FER1L6: variants seen among roughly 807,000 people sequenced by gnomAD.
FER1L6 encodes the protein fer-1 like family member 6, also known as fer-1-like protein 6.
FER1L6 carries 177 observed loss-of-function variants against 219.2 expected under a neutral mutation model. That is an observed-to-expected ratio of 0.81 (90% CI 0.71 to 0.91). FER1L6 has a LOEUF of 0.91. FER1L6 is among the 40% of genes least tolerant of loss of function. FER1L6 has a pLI of 0.00. For synonymous variants in FER1L6, 768 were observed against 824.3 expected (o/e 0.93, Z 1.17); for missense variants, 2,153 against 2,259.9 (o/e 0.95, Z 0.96).
chr8:123,878,928 C>G (rs1329636201), intron 1 of FER1L6, among the ~76,000 whole-genome samples: 1 of 152,178 alleles, frequency 6.6e-6, no homozygotes, highest in East Asian at 1.9e-4. Flanking sequence ...GTGCTAGGCT[C>G]TTTGCCTGAG....
At position 124,091,271 on chromosome 8, in the gene FER1L6, G is replaced by A. The variant is rs182381928; in HGVS notation, c.4392-152G>A. On this transcript the variant is annotated intron_variant, in intron 33 of 40. Transcript: ENST00000522917. The stretch of plus-strand genomic sequence containing the variant: ...AGCTACTCAGAAGTCTTGCCTTTCA[G>A]GCAAGCTGTGTTTGGCCAGAAAAGA... The A allele has an allele frequency of 1.1e-3, 597 of 537,650 alleles. 3 individuals are homozygous for A. The highest frequency in any genetic ancestry group is 5.2e-3 in the South Asian group (93 of 17,894). The allele number at this position is 537,650 out of a possible 1,614,324, so 33.3% of individuals were successfully genotyped here.
At chr8:124,044,253 C>G (rs963110455) in intron 20 of FER1L6, among the ~76,000 whole-genome samples, 48 of 152,190 alleles carry the variant, frequency 3.2e-4, no homozygotes, top group African/African-American at 1.1e-3. Flanking sequence ...TGCATTGCAG[C>G]TTTTTAACTT....
intron 13 of FER1L6, among the ~76,000 whole-genome samples, chr8:124,008,099 C>T (rs779162016): frequency 6.6e-6 from 1 of 152,122 alleles, no homozygotes; most frequent in Non-Finnish European, 1.5e-5. Context: ...CCCTTCCTAC[C>T]CTTTCCCCTC....
At chr8:124,097,128 G>A (rs963470510) in intron 35 of FER1L6, 143 bp from the exon 36 acceptor site, 8 of 408,974 alleles carry the variant, frequency 2.0e-5, no homozygotes, top group South Asian at 1.1e-4. Flanking sequence ...CAACAGATAC[G>A]CTAAATATAC....
At chr8:123,887,651 C>T (rs1186337765) in intron 1 of FER1L6, among the ~76,000 whole-genome samples, 2 of 152,082 alleles carry the variant, frequency 1.3e-5, no homozygotes, top group Non-Finnish European at 1.5e-5. Flanking sequence ...AGGGAAGCAC[C>T]CTGACTGTTT....
chr8:123,954,324 C>A (rs2130113050), intron 1 of FER1L6, among the ~76,000 whole-genome samples: 1 of 152,296 alleles, frequency 6.6e-6, no homozygotes, highest in African/African-American at 2.4e-5. Context: ...CAGTGGTTCT[C>A]AGGCCTCTGC....
In FER1L6 at chr8:124,049,868, A is replaced by C. The variant is rs1427527785; in HGVS notation, c.2874+112A>C. 4 of 1,095,850 alleles carry C rather than the reference A, an allele frequency of 3.7e-6. No individual in the cohort carries two copies. In the Admixed American group the frequency reaches 7.1e-5, roughly 20 times the overall value. The allele number at this position is 1,095,850 out of a possible 1,614,324, so 67.9% of individuals were successfully genotyped here. On this transcript the variant is annotated intron_variant, in intron 22 of 40. Coordinates refer to ENST00000522917, the MANE Select transcript of FER1L6 (RefSeq NM_001039112.2). ...GTGCCTGATCCCTCGCTGCAATCCC[A>C]CATCTGAATGTGTCTCCTGGGGACC...
intron 1 of FER1L6, among the ~76,000 whole-genome samples, chr8:123,902,385 G>C (rs1170715300): frequency 1.3e-5 from 2 of 152,106 alleles, no homozygotes; most frequent in African/African-American, 2.4e-5. Context: ...TTGATGACCT[G>C]TCTAGTGCTG....
At chr8:124,109,038 T>C (rs1822901749) in intron 39 of FER1L6, among the ~76,000 whole-genome samples, 1 of 152,202 alleles carries the variant, frequency 6.6e-6, no homozygotes, top group South Asian at 2.1e-4. Flanking sequence ...GGCTACGTTG[T>C]CTGGGGGTTT....
chr8:124,091,967 T>TAA (rs10591429), intron 34 of FER1L6, among the ~76,000 whole-genome samples: 80 of 133,542 alleles, frequency 6.0e-4, no homozygotes, highest in African/African-American at 2.0e-3. Context: ...ACTCAAGTCT[T>TAA]AAAAAAAAAA....
intron 34 of FER1L6, 138 bp downstream of exon 34, chr8:124,091,721 C>A: frequency 1.2e-6 from 1 of 864,654 alleles, no homozygotes; most frequent in Non-Finnish European, 1.8e-6. Flanking sequence ...AATCCCAGCA[C>A]TATGGGAGGC....
intron 2 of FER1L6, among the ~76,000 whole-genome samples, chr8:123,962,236 G>A (rs756605828): frequency 5.3e-5 from 8 of 152,128 alleles, no homozygotes; most frequent in Non-Finnish European, 7.3e-5. Context: ...TCAGTCTCTT[G>A]TCTAATTAAA....
At chr8:123,933,081 G>A (rs1206354183) in intron 1 of FER1L6, among the ~76,000 whole-genome samples, 1 of 152,158 alleles carries the variant, frequency 6.6e-6, no homozygotes, top group East Asian at 1.9e-4. Context: ...TGTGTCCGAG[G>A]GTTTCTTTTT....
Position 124,003,341 on chromosome 8 carries a change from G to A in FER1L6, c.1694G>A (p.Gly565Glu). 6.2e-7 allele frequency: 1 copy of A among 1,612,054 alleles called. No homozygotes were observed. Among genetic ancestry groups the A allele is most frequent in the Non-Finnish European group, 8.5e-7 (1 of 1,179,452 alleles). The change falls in exon 13 of 41, where the codon GGG (glycine) becomes GAG (glutamate). Residue 565 changes from glycine (G) to glutamate (E), a missense_variant. Transcript: ENST00000522917. Reference sequence around the variant, plus strand: ...CCGGAGAAGCCACTGGTGACAGAAGGGAACAGGTAGGAGACATAGCCTGGG... The same window carrying A: ...CCGGAGAAGCCACTGGTGACAGAAGAGAACAGGTAGGAGACATAGCCTGGG... ...THPEKPLVTE[G>E]NRNYNYLPFE...
intron 1 of FER1L6, among the ~76,000 whole-genome samples, chr8:123,898,767 A>G (rs1196417167): frequency 1.4e-5 from 2 of 145,732 alleles, no homozygotes; most frequent in African/African-American, 2.5e-5. Flanking sequence ...ACACATATAT[A>G]TGTGTATATA....
At chr8:123,856,793 C>A (rs552603025) in intron 1 of FER1L6, among the ~76,000 whole-genome samples, 6 of 152,020 alleles carry the variant, frequency 3.9e-5, no homozygotes, top group African/African-American at 1.4e-4. Context: ...TACCCCATTC[C>A]CGTTTATTTG....
At chr8:123,923,153 A>G (rs1813426846) in intron 1 of FER1L6, among the ~76,000 whole-genome samples, 1 of 152,240 alleles carries the variant, frequency 6.6e-6, no homozygotes, top group Non-Finnish European at 1.5e-5. Flanking sequence ...GTTTTGCACC[A>G]ACTCCTCCAA....
At chr8:123,872,022 T>TA (rs1256388678) in intron 1 of FER1L6, among the ~76,000 whole-genome samples, 2 of 152,064 alleles carry the variant, frequency 1.3e-5, no homozygotes, top group African/African-American at 4.8e-5. Context: ...ATAACACAGG[T>TA]ATTTGCTTCT....
chr8:124,026,919 TC>T (rs1443725080), intron 18 of FER1L6, among the ~76,000 whole-genome samples: 1 of 152,164 alleles, frequency 6.6e-6, no homozygotes, highest in African/African-American at 2.4e-5. Flanking sequence ...AGGTTAGAAG[TC>T]CTAGGTCAAG....
Sources: allele counts gnomAD v4.1 joint callset (sites outside exome capture counted in the v4.1 genomes callset), GRCh38; gene constraint gnomAD v4.1.1; transcripts MANE v1.5; gene names NCBI Gene and HGNC (gene_info 2026-07-23, HGNC 2026-07-21).